Variants in RARB observed in about 807,000 individuals in gnomAD.
RARB encodes retinoic acid receptor beta, also known as HBV-activated protein.
Under a neutral mutation model 51.9 loss-of-function variants are expected in RARB, and 17 were observed. The ratio of observed to expected loss-of-function variants is 0.33; its 90% CI spans 0.22 to 0.49. RARB has a LOEUF of 0.49. Among genes scored for constraint, RARB ranks in the 20% least tolerant of loss-of-function variants. The probability of loss-of-function intolerance (pLI) is 0.99; values close to 1 mark genes in which losing one functional copy is unlikely to be tolerated. For missense variants in RARB, 369 were observed against 550.8 expected (o/e 0.67, Z 3.30); for synonymous variants, 215 against 195.4 (o/e 1.10, Z -0.84).
chr3:25,120,233 C>G (rs1324852266), intron 3 of RARB, among the ~76,000 whole-genome samples: 1 of 152,078 alleles, frequency 6.6e-6, no homozygotes, highest in Admixed American at 6.6e-5. Context: ...TAAATGGCAA[C>G]TGACATTTGG....
chr3:25,564,998 T>C (rs1404584684), intron 3 of RARB, among the ~76,000 whole-genome samples: 1 of 152,076 alleles, frequency 6.6e-6, no homozygotes, highest in Non-Finnish European at 1.5e-5. Flanking sequence ...CACCATCCCA[T>C]AGCATCCCTC....
chr3:25,247,541 G>A (rs992910677), intron 5 of RARB, among the ~76,000 whole-genome samples: 13 of 152,176 alleles, frequency 8.5e-5, no homozygotes, highest in East Asian at 5.8e-4. Context: ...CCCTCATGGC[G>A]TGGTCCCTCA....
intron 5 of RARB, among the ~76,000 whole-genome samples, chr3:25,281,802 A>C (rs1703529708): frequency 6.6e-6 from 1 of 152,226 alleles, no homozygotes; most frequent in Admixed American, 6.5e-5. Context: ...TACTTCAACC[A>C]GGAAGGTCTT....
At chr3:25,024,212 C>T (rs931686527) in intron 2 of RARB, among the ~76,000 whole-genome samples, 4 of 152,160 alleles carry the variant, frequency 2.6e-5, no homozygotes, top group Admixed American at 2.6e-4. Flanking sequence ...CTTTGCAGCC[C>T]TGAGAAACTT....
chr3:25,509,742 C>T (rs1477788590), intron 3 of RARB, among the ~76,000 whole-genome samples: 2 of 152,188 alleles, frequency 1.3e-5, no homozygotes, highest in Non-Finnish European at 2.9e-5. Context: ...CTTCCTTCCT[C>T]AGTCAGCTCA....
chr3:25,139,549 T>C (rs2125336429), intron 4 of RARB, among the ~76,000 whole-genome samples: 2 of 152,268 alleles, frequency 1.3e-5, no homozygotes, highest in East Asian at 1.9e-4. Flanking sequence ...GAAAAAAAGT[T>C]TGAAACTAGC....
intron 2 of RARB, among the ~76,000 whole-genome samples, chr3:24,981,547 C>T (rs191528145): frequency 5.3e-5 from 8 of 152,280 alleles, no homozygotes; most frequent in East Asian, 1.9e-4. Context: ...CAGACTGCTG[C>T]GTTAGCAGAG....
chr3:25,002,465 G>T (rs899077965), intron 2 of RARB, among the ~76,000 whole-genome samples: 1 of 152,124 alleles, frequency 6.6e-6, no homozygotes, highest in African/African-American at 2.4e-5. Flanking sequence ...GCATCATCCA[G>T]GTCAAAATGC....
At chr3:25,364,160 A>G (rs369399974) in intron 5 of RARB, among the ~76,000 whole-genome samples, 22 of 152,114 alleles carry the variant, frequency 1.4e-4, no homozygotes, top group African/African-American at 4.8e-4. Flanking sequence ...TATTATCCAG[A>G]TTCTTCTGTT....
intron 3 of RARB, among the ~76,000 whole-genome samples, chr3:25,545,724 C>G (rs909318867): frequency 6.6e-6 from 1 of 152,190 alleles, no homozygotes; most frequent in Non-Finnish European, 1.5e-5. Flanking sequence ...TCTCTCCTCC[C>G]TGCCCAGCAC....
intron 5 of RARB, among the ~76,000 whole-genome samples, chr3:25,318,196 G>T (rs1375205080): frequency 1.3e-5 from 2 of 152,094 alleles, no homozygotes; most frequent in Admixed American, 6.6e-5. Flanking sequence ...GCTGAGTTCA[G>T]TCACCATCAG....
chr3:25,379,205 G>A (rs1374817981), intron 5 of RARB, among the ~76,000 whole-genome samples: 1 of 152,124 alleles, frequency 6.6e-6, no homozygotes, highest in Non-Finnish European at 1.5e-5. Flanking sequence ...CTGCCACAGA[G>A]ATGAAATAAG....
intron 5 of RARB, among the ~76,000 whole-genome samples, chr3:25,381,342 A>G (rs915423235): frequency 5.3e-5 from 8 of 152,224 alleles, no homozygotes; most frequent in African/African-American, 1.9e-4. Context: ...AATGTAGTAC[A>G]GTGGCTGTAG....
At chr3:25,296,625 A>G (rs1383506588) in intron 5 of RARB, among the ~76,000 whole-genome samples, 1 of 152,164 alleles carries the variant, frequency 6.6e-6, no homozygotes, top group Non-Finnish European at 1.5e-5. Context: ...AAAGAATGAA[A>G]TTATCTGGAT....
chr3:25,338,601 AG>A, intron 5 of RARB, among the ~76,000 whole-genome samples: 1 of 152,212 alleles, frequency 6.6e-6, no homozygotes, highest in East Asian at 1.9e-4. Context: ...ACCATAGGGA[AG>A]TTCAAAAGAA....
intron 5 of RARB, among the ~76,000 whole-genome samples, chr3:25,584,472 C>G (rs1480451407): frequency 6.6e-6 from 1 of 152,114 alleles, no homozygotes; most frequent in Non-Finnish European, 1.5e-5. Flanking sequence ...AAACAATTTC[C>G]CAGTGTTTCC....
intron 2 of RARB, among the ~76,000 whole-genome samples, chr3:24,910,419 A>C (rs1429850114): frequency 6.6e-6 from 1 of 152,196 alleles, no homozygotes; most frequent in Non-Finnish European, 1.5e-5. Context: ...ATAAACACAA[A>C]ATAATTGGAT....
At chr3:24,922,532 GAAGTT>G (rs1695239880) in intron 2 of RARB, among the ~76,000 whole-genome samples, 1 of 152,146 alleles carries the variant, frequency 6.6e-6, no homozygotes, top group Non-Finnish European at 1.5e-5. Context: ...GAGTTTGACA[GAAGTT>G]AAGTATCCTG....
chr3:25,485,286 G>T (rs987056338), intron 2 of RARB, among the ~76,000 whole-genome samples: 5 of 152,142 alleles, frequency 3.3e-5, no homozygotes, highest in African/African-American at 1.2e-4. Flanking sequence ...CTCCTAGGAG[G>T]TCAACTTGGG....
Sources: gnomAD v4.1 joint callset for allele counts (sites outside exome capture counted in the v4.1 genomes callset) on GRCh38, gnomAD v4.1.1 for gene constraint, MANE v1.5 for transcripts, NCBI Gene and HGNC (gene_info 2026-07-23, HGNC 2026-07-21) for gene names.